Variants in PTCHD4 observed in about 807,000 individuals in gnomAD.
PTCHD4 encodes the protein patched domain-containing protein 4.
PTCHD4 carries 33 observed loss-of-function variants against 58.1 expected under a neutral mutation model. That is an observed-to-expected ratio of 0.57 (90% CI 0.43 to 0.76). The LOEUF is 0.76. Ranked by LOEUF, PTCHD4 falls within the 30% of genes least tolerant of loss-of-function variation. The pLI, the probability that PTCHD4 is intolerant of heterozygous loss-of-function variation, is 0.00. For missense variants in PTCHD4, 1,058 were observed against 1,027.1 expected, an observed-to-expected ratio of 1.03 and a Z score of -0.41; for synonymous variants, 478 against 409.6, an observed-to-expected ratio of 1.17 and a Z score of -2.02.
chr6:47,966,406 C>T (rs1005927395), intron 4 of PTCHD4, among the ~76,000 whole-genome samples: 1 of 152,282 alleles, frequency 6.6e-6, no homozygotes, highest in East Asian at 1.9e-4. Context: ...GATTTATAAT[C>T]TCTTTGCTGG....
intron 4 of PTCHD4, among the ~76,000 whole-genome samples, chr6:47,926,588 A>G (rs1765623639): frequency 6.6e-6 from 1 of 152,200 alleles, no homozygotes; most frequent in African/African-American, 2.4e-5. Flanking sequence ...TCATAAGCAC[A>G]TTATAGGCTT....
intron 4 of PTCHD4, among the ~76,000 whole-genome samples, chr6:47,954,160 C>T (rs1157521939): frequency 6.6e-6 from 1 of 152,062 alleles, no homozygotes; most frequent in African/African-American, 2.4e-5. Context: ...AATTCAAGAC[C>T]AGCTTGGCCA....
Position 48,008,743 on chromosome 6 carries a change from G to A in PTCHD4, c.789C>T (p.Leu263=), listed in dbSNP as rs1198068171. The A allele has an allele frequency of 6.2e-7, 1 of 1,613,930 alleles. No individual in the cohort carries two copies. The highest frequency in any genetic ancestry group is 8.5e-7 in the Non-Finnish European group (1 of 1,179,878). Residue 263 remains leucine, a synonymous_variant, in exon 4 of 5, where the codon CTC becomes CTT. Transcript: ENST00000339488. The part of the protein sequence containing the change: ...DCLRSKPFLG[L]LGVLTVCISI... ...AGATGCATACTGTGAGCACCCCCAG[G>A]AGGCCCAGGAAGGGCTTACTGCGCA... is the stretch of plus-strand genomic sequence containing the variant.
intron 3 of PTCHD4, among the ~76,000 whole-genome samples, chr6:48,023,230 A>C (rs1313100626): frequency 1.3e-5 from 2 of 152,206 alleles, no homozygotes; most frequent in Non-Finnish European, 2.9e-5. Context: ...GCAAGTTAAA[A>C]ACATTTATTT....
At chr6:48,002,526 G>A (rs573550373) in intron 4 of PTCHD4, among the ~76,000 whole-genome samples, 9 of 151,176 alleles carry the variant, frequency 6.0e-5, no homozygotes, top group African/African-American at 1.2e-4. Context: ...ACCATACACC[G>A]CATGTTCTCA....
chr6:47,862,361 C>T lies in PTCHD4; in HGVS notation c.*15942G>A, dbSNP rs1763451504. Among the ~76,000 whole-genome samples, 1 of 151,598 alleles carries T rather than the reference C, an allele frequency of 6.6e-6. No individual in the cohort carries two copies. Among genetic ancestry groups the T allele is most frequent in the Admixed American group, 6.6e-5 (1 of 15,186 alleles). On this transcript the variant is annotated 3_prime_UTR_variant, in exon 5 of 5. Coordinates refer to ENST00000339488, the MANE Select transcript of PTCHD4 (RefSeq NM_001384253.1). ...AAATTTTTTTTGTAGGCTGCTTTCC[C>T]CCTTTTCCCTTCATTGAAGTTCTCC...
intron 4 of PTCHD4, chr6:47,900,963 G>A (rs990089795): frequency 1.3e-5 from 2 of 151,602 alleles, no homozygotes; most frequent in South Asian, 2.1e-4. Context: ...GACCATCCTG[G>A]CTAACAAGGT....
chr6:48,022,926 A>T (rs1488914132), intron 3 of PTCHD4, among the ~76,000 whole-genome samples: 1 of 152,188 alleles, frequency 6.6e-6, no homozygotes, highest in Non-Finnish European at 1.5e-5. Flanking sequence ...GGAAAAAAAA[A>T]GCATTGCCTT....
At chr6:47,955,552 T>C (rs1039258052) in intron 4 of PTCHD4, among the ~76,000 whole-genome samples, 5 of 152,330 alleles carry the variant, frequency 3.3e-5, no homozygotes, top group Middle Eastern at 3.4e-3. Flanking sequence ...GTGGTCCAGT[T>C]TTCCTGGAGT....
At chr6:47,995,356 G>C (rs1053738439) in intron 4 of PTCHD4, among the ~76,000 whole-genome samples, 3 of 152,106 alleles carry the variant, frequency 2.0e-5, no homozygotes, top group Admixed American at 1.3e-4. Flanking sequence ...TTCTTTGAAA[G>C]GAACAAAGAA....
chr6:47,957,158 C>T (rs1310885673), intron 4 of PTCHD4, among the ~76,000 whole-genome samples: 6 of 145,532 alleles, frequency 4.1e-5, no homozygotes, highest in Non-Finnish European at 8.9e-5. Flanking sequence ...GAGTGAGACT[C>T]TGTCTCAAAA....
intron 1 of PTCHD4, among the ~76,000 whole-genome samples, chr6:48,073,156 G>A (rs1013442730): frequency 6.6e-6 from 1 of 152,174 alleles, no homozygotes; most frequent in Non-Finnish European, 1.5e-5. Context: ...TGAAAGTGGT[G>A]CATTTAGGGA....
At chr6:47,915,403 T>G (rs1190954429) in intron 4 of PTCHD4, among the ~76,000 whole-genome samples, 4 of 152,126 alleles carry the variant, frequency 2.6e-5, no homozygotes, top group Non-Finnish European at 4.4e-5. Flanking sequence ...TGGAGATCGC[T>G]TCAAGATGCT....
At chr6:47,943,991 A>G (rs1276955346) in intron 4 of PTCHD4, among the ~76,000 whole-genome samples, 11 of 152,096 alleles carry the variant, frequency 7.2e-5, no homozygotes, top group African/African-American at 1.7e-4. Flanking sequence ...GAAATGATCA[A>G]TCTTCAGGAA....
At chr6:47,980,704 ATAAT>A (rs964127426) in intron 4 of PTCHD4, among the ~76,000 whole-genome samples, 3 of 151,986 alleles carry the variant, frequency 2.0e-5, no homozygotes, top group African/African-American at 7.2e-5. Context: ...TTAAATGAAA[ATAAT>A]TAAAAGTTAT....
chr6:47,877,684 C>T lies in PTCHD4; in HGVS notation c.*619G>A, dbSNP rs1411983547. 2.0e-5 allele frequency among the ~76,000 whole-genome samples: 3 copies of T among 152,042 alleles called. No individual in the cohort carries two copies. Among genetic ancestry groups the T allele is most frequent in the African/African-American group, 4.8e-5 (2 of 41,408 alleles). On this transcript the variant is annotated 3_prime_UTR_variant, in exon 5 of 5. Transcript: ENST00000339488. Reference sequence around the variant, plus strand: ...ATAAATTTGGCTAAGGTTGATTTGACTTTCTAGGGAAAAGCCAGCCTATCT... The same window carrying T: ...ATAAATTTGGCTAAGGTTGATTTGATTTTCTAGGGAAAAGCCAGCCTATCT...
At chr6:47,953,611 T>C (rs1189879959) in intron 4 of PTCHD4, among the ~76,000 whole-genome samples, 1 of 152,114 alleles carries the variant, frequency 6.6e-6, no homozygotes, top group Non-Finnish European at 1.5e-5. Context: ...ATGGAGCACA[T>C]AAAATGCATT....
At chr6:48,050,065 A>G (rs1364475167) in intron 3 of PTCHD4, among the ~76,000 whole-genome samples, 2 of 152,022 alleles carry the variant, frequency 1.3e-5, no homozygotes, top group African/African-American at 4.8e-5. Flanking sequence ...TAAGAAAAGA[A>G]GAATTATGTA....
At chr6:48,080,657 AG>A (rs1244783452) in intron 1 of PTCHD4, among the ~76,000 whole-genome samples, 1 of 152,218 alleles carries the variant, frequency 6.6e-6, no homozygotes, top group African/African-American at 2.4e-5. Flanking sequence ...TAGCTTTCCC[AG>A]TGTCAGAGAA....
Sources: gnomAD v4.1 joint callset for allele counts (sites outside exome capture counted in the v4.1 genomes callset) on GRCh38, gnomAD v4.1.1 for gene constraint, MANE v1.5 for transcripts, NCBI Gene and HGNC (gene_info 2026-07-23, HGNC 2026-07-21) for gene names.